The following IL31RA variants were observed in gnomAD, a reference collection of about 807,000 sequenced individuals.
IL31RA encodes interleukin-31 receptor subunit alpha.
A neutral mutation model predicts 83.7 loss-of-function variants in IL31RA; 66 were observed. The observed-to-expected ratio is 0.79, with a 90% confidence interval of 0.65 to 0.97. The LOEUF is 0.97. Among genes scored for constraint, IL31RA ranks in the 50% least tolerant of loss-of-function variants. The pLI, the probability that IL31RA is intolerant of heterozygous loss-of-function variation, is 0.00. For missense variants in IL31RA, 798 were observed against 919.4 expected, an observed-to-expected ratio of 0.87 and a Z score of 1.71; for synonymous variants, 325 against 329.0, an observed-to-expected ratio of 0.99 and a Z score of 0.13.
rs778554105 is a variant in IL31RA at position 55,851,567 on chromosome 5, G to T, written c.-4G>T. The T allele has an allele frequency of 8.7e-6, 14 of 1,613,998 alleles. No individual in the cohort carries two copies. The East Asian group carries it at 2.2e-4, about 26-fold the overall frequency. On this transcript the variant is annotated 5_prime_UTR_variant, in exon 1 of 15. Transcript: ENST00000652347. ...AGTGTCAGCTTGTTCCACCTCAGCT[G>T]GGAATGTGCATCAGGCAACTCAAGT...
At chr5:55,844,042 G>T in the IL31RA span, among the ~76,000 whole-genome samples, 7 of 151,902 alleles carry the variant, frequency 4.6e-5, no homozygotes, top group Admixed American at 4.6e-4. Flanking sequence ...GAATCATGGG[G>T]TACATGTGCC....
rs1491389607 is a variant in IL31RA, at chr5:55,897,016, T to TA, written c.852+587_852+588insA. The stretch of plus-strand genomic sequence containing the variant: ...AAAAAAAAAAATATATATATATATA[T>TA]TTTTTTTTTTTTTGGTTGAGGCTGG... On this transcript the variant is annotated intron_variant, in intron 7 of 14. Transcript: ENST00000652347. 6.5e-3 allele frequency among the ~76,000 whole-genome samples: 42 copies of TA among 6,470 alleles called. 7 individuals carry two copies. Among genetic ancestry groups the TA allele is most frequent in the Non-Finnish European group, 7.5e-3 (27 of 3,578 alleles). 4.2% of individuals were successfully genotyped at this position (6,470 alleles called of 152,430 possible). A position where few individuals can be genotyped will look rare whatever the true frequency, so the allele number is the denominator to read the frequency against.
chr5:55,900,288 T>C (rs2112527773), intron 8 of IL31RA, among the ~76,000 whole-genome samples, 156 bp downstream of exon 8: 2 of 152,342 alleles, frequency 1.3e-5, no homozygotes, highest in East Asian at 3.9e-4. Context: ...AATTTGCTGG[T>C]AATTAATGAA....
chr5:55,909,008 C>A, intron 11 of IL31RA: 3 of 567,314 alleles, frequency 5.3e-6, no homozygotes, highest in Non-Finnish European at 7.0e-6. Context: ...CTATTTCTGC[C>A]CAAATAGAAG....
intron 12 of IL31RA, among the ~76,000 whole-genome samples, chr5:55,912,132 C>T (rs1401252684): frequency 6.6e-6 from 1 of 152,166 alleles, no homozygotes; most frequent in Non-Finnish European, 1.5e-5. Context: ...CTAGAAGTTT[C>T]CTACCCTGGT....
At chr5:55,867,722 G>A (rs1746274024) in intron 2 of IL31RA, among the ~76,000 whole-genome samples, 1 of 152,188 alleles carries the variant, frequency 6.6e-6, no homozygotes, top group Non-Finnish European at 1.5e-5. Context: ...TCCAATGGCT[G>A]GGGAGGCCTC....
intron 8 of IL31RA, among the ~76,000 whole-genome samples, chr5:55,904,071 C>T (rs1034630561): frequency 2.6e-5 from 4 of 152,182 alleles, no homozygotes; most frequent in Non-Finnish European, 5.9e-5. Context: ...GTCTCTGTTT[C>T]CATGCCCAGA....
At chr5:55,852,109 T>G in intron 1 of IL31RA, 1 of 186,074 alleles carries the variant, frequency 5.4e-6, no homozygotes, top group Non-Finnish European at 1.1e-5. Flanking sequence ...AAATGCTTGC[T>G]ATTTTTGTGC....
At chr5:55,862,864 G>A (rs530830692) in intron 2 of IL31RA, among the ~76,000 whole-genome samples, 1 of 152,302 alleles carries the variant, frequency 6.6e-6, no homozygotes, top group African/African-American at 2.4e-5. Flanking sequence ...GTATTTCTGG[G>A]TTTAGGGGGA....
At chr5:55,856,019 C>T (rs545772812) in intron 1 of IL31RA, among the ~76,000 whole-genome samples, 31 of 152,334 alleles carry the variant, frequency 2.0e-4, no homozygotes, top group African/African-American at 7.0e-4. Flanking sequence ...GCCTTAGCCT[C>T]CTGAGTAGCT....
chr5:55,887,585 C>CA (rs911987061), intron 5 of IL31RA, among the ~76,000 whole-genome samples: 15 of 151,174 alleles, frequency 9.9e-5, no homozygotes, highest in African/African-American at 3.6e-4. Flanking sequence ...ACGAAAAATA[C>CA]AAAAAAATTA....
chr5:55,915,249 A>G (rs1388173138), intron 14 of IL31RA, among the ~76,000 whole-genome samples: 1 of 152,182 alleles, frequency 6.6e-6, no homozygotes, highest in African/African-American at 2.4e-5. Context: ...GGCTAATTAG[A>G]GAGAGAGGAG....
rs560762959 is a variant in IL31RA, at chr5:55,918,823, G to T, written c.*1703G>T. ...CCCCCCACCACCCACCCAGGACTCA[G>T]TACTCCTGGTTTACGGAACAGTGAC... On this transcript the variant is annotated 3_prime_UTR_variant, in exon 15 of 15. Transcript: ENST00000652347. Among the ~76,000 whole-genome samples, 3 of 151,852 alleles carry T rather than the reference G, an allele frequency of 2.0e-5. No individual in the cohort carries two copies. In the East Asian group the frequency reaches 5.8e-4, roughly 29 times the overall value.
At chr5:55,859,724 C>A in intron 2 of IL31RA, 125 bp downstream of exon 2, 1 of 756,212 alleles carries the variant, frequency 1.3e-6, no homozygotes, top group South Asian at 1.4e-5. Flanking sequence ...GACTTGTGAA[C>A]ACCCTGAATT....
chr5:55,872,374 A>T lies in IL31RA; in HGVS notation c.377A>T (p.Tyr126Phe). ...FLPRITIPDN[Y>F]TIEVEAENGD... ...CCAAGAATAACGATCCCAGATAATT[A>T]TACCATTGAGGTGGAAGCTGAAAAT... The change falls in exon 4 of 15, where the codon TAT (tyrosine) becomes TTT (phenylalanine). Residue 126 changes from tyrosine to phenylalanine, a missense_variant. Physicochemically the swap from Tyr to Phe is conservative, Grantham distance 22 (BLOSUM62 3). Transcript: ENST00000652347. The T allele has an allele frequency of 6.2e-7, 1 of 1,612,140 alleles. No homozygotes were observed. The highest frequency in any genetic ancestry group is 8.5e-7 in the Non-Finnish European group (1 of 1,178,282).
At chr5:55,913,787 C>A (rs1749635215) in intron 13 of IL31RA, among the ~76,000 whole-genome samples, 2 of 152,250 alleles carry the variant, frequency 1.3e-5, no homozygotes, top group South Asian at 2.1e-4. Context: ...GAGCTCCATG[C>A]CCAGGTCTAG....
At chr5:55,888,640 G>T (rs931095) in intron 5 of IL31RA, among the ~76,000 whole-genome samples, 4,387 of 152,256 alleles carry the variant, frequency 0.029, 120 homozygotes, top group African/African-American at 0.067. Context: ...GCACCATGTG[G>T]TTGGGCCTTT....
intron 1 of IL31RA, among the ~76,000 whole-genome samples, chr5:55,858,579 T>C (rs1204356770): frequency 3.3e-5 from 5 of 152,216 alleles, no homozygotes; most frequent in Non-Finnish European, 7.3e-5. Flanking sequence ...CCAGAAATCC[T>C]GCATGCACAT....
intron 5 of IL31RA, 75 bp downstream of exon 5, chr5:55,883,270 T>C: frequency 2.4e-6 from 3 of 1,257,194 alleles, no homozygotes; most frequent in Non-Finnish European, 3.5e-6. Flanking sequence ...ATTGTTGACC[T>C]GGAATCATTA....
Sources: gnomAD v4.1 joint callset for allele counts (sites outside exome capture counted in the v4.1 genomes callset) on GRCh38, gnomAD v4.1.1 for gene constraint, MANE v1.5 for transcripts, NCBI Gene and HGNC (gene_info 2026-07-23, HGNC 2026-07-21) for gene names.